Variants in VPS53 observed in about 807,000 individuals in gnomAD.
VPS53 encodes vacuolar protein sorting-associated protein 53 homolog.
Under a neutral mutation model 107.0 loss-of-function variants are expected in VPS53, and 70 were observed. The observed-to-expected ratio is 0.65, with a 90% CI of 0.54 to 0.80. VPS53 has a LOEUF of 0.80. Among genes scored for constraint, VPS53 ranks in the 30% least tolerant of loss-of-function variants. VPS53 has a pLI of 0.00. For missense variants in VPS53, 917 were observed against 1,049.4 expected (o/e 0.87, Z 1.74); for synonymous variants, 409 against 393.3 (o/e 1.04, Z -0.47).
chr17:658,082 A>G (rs112398431), intron 5 of VPS53, among the ~76,000 whole-genome samples: 16 of 52,988 alleles, frequency 3.0e-4, no homozygotes, highest in Non-Finnish European at 3.9e-4. Flanking sequence ...ACATCCCACT[A>G]AAGTGAGATA....
At chr17:651,493 T>G (rs558382993) in intron 7 of VPS53, among the ~76,000 whole-genome samples, 1 of 151,988 alleles carries the variant, frequency 6.6e-6, no homozygotes, top group African/African-American at 2.4e-5. Context: ...TGGGAAACTG[T>G]GGTGGGAGGA....
intron 7 of VPS53, among the ~76,000 whole-genome samples, chr17:651,716 TAAC>T (rs1048437207): frequency 2.0e-5 from 3 of 152,224 alleles, no homozygotes; most frequent in Admixed American, 6.5e-5. Flanking sequence ...TGCTGCTCAG[TAAC>T]AACGCCTTCA....
intron 4 of VPS53, among the ~76,000 whole-genome samples, chr17:694,211 T>C (rs1317995546): frequency 6.6e-6 from 1 of 152,222 alleles, no homozygotes; most frequent in African/African-American, 2.4e-5. Context: ...CAAAGTTCCA[T>C]CACAGATTGA....
chr17:643,319 C>T, intron 7 of VPS53, among the ~76,000 whole-genome samples: 1 of 133,072 alleles, frequency 7.5e-6, no homozygotes, highest in Non-Finnish European at 1.7e-5. Flanking sequence ...AAACCGAGGA[C>T]AACACTCATA....
chr17:610,329 A>G lies in VPS53; in HGVS notation c.1117-8433T>C, dbSNP rs1968802858. ...GTTGAGAAACAACTTAAGCTGTGAC[A>G]TATGAAGCATATTTTCATATGTGTG... On this transcript the variant is annotated intron_variant, in intron 11 of 21. Coordinates refer to ENST00000437048, the MANE Select transcript of VPS53 (RefSeq NM_001128159.3). Among the ~76,000 whole-genome samples, 3 of 152,356 alleles carry G rather than the reference A, an allele frequency of 2.0e-5. No individual in the cohort carries two copies. In the South Asian group the frequency reaches 6.2e-4, roughly 32 times the overall value.
intron 13 of VPS53, among the ~76,000 whole-genome samples, chr17:580,945 C>G (rs1322441088): frequency 6.6e-6 from 1 of 151,772 alleles, no homozygotes; most frequent in African/African-American, 2.4e-5. Flanking sequence ...TAATGGGTAC[C>G]CAGAGAACCT....
At chr17:591,114 T>A (rs1445504132) in intron 12 of VPS53, among the ~76,000 whole-genome samples, 3 of 152,180 alleles carry the variant, frequency 2.0e-5, no homozygotes, top group Admixed American at 6.5e-5. Context: ...TGGGAGAGTG[T>A]ATGTGTCGAG....
intron 2 of VPS53, among the ~76,000 whole-genome samples, chr17:701,877 T>G (rs1008767325): frequency 4.6e-5 from 7 of 152,086 alleles, no homozygotes; most frequent in African/African-American, 1.7e-4. Flanking sequence ...AAAAGGTACA[T>G]GCACTGAGCC....
chr17:625,747 A>G (rs1319406811), intron 10 of VPS53, among the ~76,000 whole-genome samples: 2 of 152,176 alleles, frequency 1.3e-5, no homozygotes, highest in Non-Finnish European at 2.9e-5. Context: ...AAAAGCCAAT[A>G]TCCCTTAAAA....
rs1969755526 is a variant in VPS53, at chr17:627,295, C to T, written c.853G>A (p.Asp285Asn). Residue 285 changes from aspartate (D) to asparagine (N), a missense_variant, in exon 10 of 22, where the codon GAC (aspartate) becomes AAC (asparagine). Coordinates refer to ENST00000437048, the MANE Select transcript of VPS53 (RefSeq NM_001128159.3). ...NQDVAWLDKI[D>N]RRYAWIKRQL... ...CGTTTTATCCAGGCATAGCGTCTGT[C>T]GATTTTGTCCAGCCAGGCAACCTGG... The T allele has an allele frequency of 6.2e-7, 1 of 1,613,470 alleles. No individual in the cohort carries two copies. Among genetic ancestry groups the T allele is most frequent in the African/African-American group, 1.3e-5 (1 of 74,870 alleles).
At chr17:662,503 C>T (rs146051378) in intron 4 of VPS53, among the ~76,000 whole-genome samples, 34 of 152,028 alleles carry the variant, frequency 2.2e-4, no homozygotes, top group Middle Eastern at 3.4e-3. Flanking sequence ...TCCTGGCTAA[C>T]ACGGTGAAAC....
rs920175183 is a variant in VPS53, at chr17:517,336, G to C, written c.*1792C>G. ...ACAGCCTGGAAGCCGATGAAGAAAT[G>C]ACACTCAGGATCAGAGCTGGACGGC... On this transcript the variant is annotated 3_prime_UTR_variant, in exon 22 of 22. Transcript: ENST00000437048. The C allele has an allele frequency of 1.3e-5, 5 of 397,868 alleles. No homozygotes were observed. The highest frequency in any genetic ancestry group is 1.8e-5 in the Non-Finnish European group (4 of 225,672). The allele number at this position is 397,868 out of a possible 1,614,324, so 24.6% of individuals were successfully genotyped here.
chr17:546,376 C>T (rs184656629), intron 17 of VPS53, among the ~76,000 whole-genome samples: 10 of 147,006 alleles, frequency 6.8e-5, no homozygotes, highest in African/African-American at 2.5e-4. Context: ...CACACACACA[C>T]GATATACCAA....
chr17:714,135 T>A (rs1466849239), intron 1 of VPS53: 2 of 155,134 alleles, frequency 1.3e-5, no homozygotes, highest in African/African-American at 2.4e-5. Flanking sequence ...CGGTAGGAAT[T>A]CTCAACCTTT....
At chr17:656,988 T>A (rs765827143) in intron 5 of VPS53, 2 of 896,256 alleles carry the variant, frequency 2.2e-6, no homozygotes, top group Non-Finnish European at 3.8e-6. Context: ...CCCGGGTACC[T>A]CTCTCTGTTG....
Position 515,723 on chromosome 17 carries a change from G to A in VPS53, c.*3405C>T, listed in dbSNP as rs1597232984. 6.6e-6 allele frequency: 1 copy of A among 151,992 alleles called. No homozygotes were observed. Among genetic ancestry groups the A allele is most frequent in the Admixed American group, 6.6e-5 (1 of 15,264 alleles). 9.4% of individuals were successfully genotyped at this position (151,992 alleles called of 1,614,324 possible). ...TAATAAATAAAGCTTCTGCTTGGGG[G>A]TTGGTCATCAAAACAAGAAGAATCC... On this transcript the variant is annotated 3_prime_UTR_variant, in exon 22 of 22. Coordinates refer to ENST00000437048, the MANE Select transcript of VPS53 (RefSeq NM_001128159.3).
intron 11 of VPS53, among the ~76,000 whole-genome samples, chr17:603,943 G>A (rs1380790922): frequency 6.6e-6 from 1 of 152,128 alleles, no homozygotes; most frequent in Non-Finnish European, 1.5e-5. Context: ...GTGGGCTCTG[G>A]GATTATGCTG....
At chr17:547,440 A>G (rs1187181430) in intron 17 of VPS53, among the ~76,000 whole-genome samples, 1 of 152,158 alleles carries the variant, frequency 6.6e-6, no homozygotes, top group Non-Finnish European at 1.5e-5. Flanking sequence ...CCCACATGCC[A>G]TATGATTCTA....
chr17:704,248 G>A (rs2143970000), intron 2 of VPS53, among the ~76,000 whole-genome samples: 1 of 152,236 alleles, frequency 6.6e-6, no homozygotes, highest in Middle Eastern at 3.4e-3. Context: ...TCTGCTGCAT[G>A]GAAAATCCCA....
Sources: allele counts gnomAD v4.1 joint callset (sites outside exome capture counted in the v4.1 genomes callset), GRCh38; gene constraint gnomAD v4.1.1; transcripts MANE v1.5; gene names NCBI Gene and HGNC (gene_info 2026-07-23, HGNC 2026-07-21).